DAW1: variants seen among roughly 807,000 people sequenced by gnomAD.
DAW1 encodes the protein dynein assembly factor with WD repeat domains 1.
DAW1 carries 47 observed loss-of-function variants against 56.5 expected under a neutral mutation model. The ratio of observed to expected loss-of-function variants is 0.83; its 90% CI spans 0.66 to 1.06. The LOEUF (loss-of-function observed/expected upper bound fraction) is 1.06, where lower values mean the gene tolerates loss of function less well. Among genes scored for constraint, DAW1 ranks in the 50% least tolerant of loss-of-function variants. The pLI is 0.00. For missense variants in DAW1, 505 were observed against 499.3 expected (o/e 1.01, Z -0.11); for synonymous variants, 190 against 179.0 (o/e 1.06, Z -0.49).
chr2:227,902,994 T>A lies in DAW1; in HGVS notation c.541-8T>A. 6.2e-7 allele frequency: 1 copy of A among 1,610,178 alleles called. No homozygotes were observed. The highest frequency in any genetic ancestry group is 8.5e-7 in the Non-Finnish European group (1 of 1,179,556). Reference sequence around the variant, plus strand: ...TTCCTAAAATTTCTCCCATTTTATGTAATTTAGGTGTGTTTATCATTTAAC... The same window carrying A: ...TTCCTAAAATTTCTCCCATTTTATGAAATTTAGGTGTGTTTATCATTTAAC... On this transcript the variant is annotated splice_region_variant and splice_polypyrimidine_tract_variant and intron_variant, in intron 6 of 12. Transcript: ENST00000309931.
intron 9 of DAW1, 97 bp downstream of exon 9, chr2:227,906,435 A>G: frequency 1.2e-6 from 1 of 846,716 alleles, no homozygotes; most frequent in Non-Finnish European, 1.7e-6. Context: ...CAAAGATGAT[A>G]TAAAATTAAG....
intron 11 of DAW1, among the ~76,000 whole-genome samples, chr2:227,920,180 G>A (rs1298112569): frequency 6.6e-6 from 1 of 152,166 alleles, no homozygotes; most frequent in Admixed American, 6.5e-5. Flanking sequence ...GAATTCTCTA[G>A]TGCTATTTTA....
At chr2:227,907,101 G>A (rs1182629168) in intron 9 of DAW1, 37 bp from the exon 10 acceptor site, 2 of 1,440,690 alleles carry the variant, frequency 1.4e-6, no homozygotes, top group Admixed American at 3.7e-5. Context: ...GAAAGTCATA[G>A]TCTTTTTTTT....
In DAW1 at chr2:227,893,818, G is replaced by T. The variant is rs759511456; in HGVS notation, c.341G>T (p.Arg114Leu). The T allele has an allele frequency of 2.5e-6, 4 of 1,612,990 alleles. No individual in the cohort carries two copies. Among genetic ancestry groups the T allele is most frequent in the Non-Finnish European group, 3.4e-6 (4 of 1,179,656 alleles). Reference sequence around the variant, plus strand: ...AGCTTTATCACAGGAAGCTATGATCGGACGTGCAAGCTCTGGGACACTGCG... The same window carrying T: ...AGCTTTATCACAGGAAGCTATGATCTGACGTGCAAGCTCTGGGACACTGCG... ...GSCFITGSYD[R>L]TCKLWDTASG... The change falls in exon 5 of 13, where the codon CGG (arginine) becomes CTG (leucine). Residue 114 changes from arginine to leucine, a missense_variant. Coordinates refer to ENST00000309931, the MANE Select transcript of DAW1 (RefSeq NM_178821.3).
intron 7 of DAW1, among the ~76,000 whole-genome samples, chr2:227,904,030 G>A (rs1435999110): frequency 2.0e-5 from 3 of 150,406 alleles, no homozygotes; most frequent in Admixed American, 1.3e-4. Flanking sequence ...TCAGGCAAAT[G>A]TGCAGGGAAA....
At chr2:227,881,743 CTTTTTTTTTTTTTT>C (rs541800966) in intron 1 of DAW1, among the ~76,000 whole-genome samples, 3 of 78,608 alleles carry the variant, frequency 3.8e-5, no homozygotes, top group African/African-American at 4.9e-5. Context: ...CTGCCACATT[CTTTTTTTTTTTTTT>C]TTTTTTTTTT....
chr2:227,906,999 CA>C (rs1441553913), intron 9 of DAW1, 138 bp from the exon 10 acceptor site: 2 of 575,152 alleles, frequency 3.5e-6, no homozygotes, highest in Non-Finnish European at 6.0e-6. Flanking sequence ...TCTAACTGAA[CA>C]TGCATGAATT....
In DAW1 at chr2:227,887,416, G is replaced by A. The variant is rs183700590; in HGVS notation, c.113+1993G>A. Among the ~76,000 whole-genome samples, 601 of 152,250 alleles carry A rather than the reference G, an allele frequency of 3.9e-3. 2 individuals carry two copies. The highest frequency in any genetic ancestry group is 6.8e-3 in the Non-Finnish European group (461 of 68,008). On this transcript the variant is annotated intron_variant, in intron 2 of 12. Transcript: ENST00000309931. ...ATGTATATGTACCTTCAACACATAT[G>A]TAAGAATCTAATCTGGGTTAGATTC...
Position 227,921,446 on chromosome 2 carries a change from C to T in DAW1, c.1098C>T (p.Asp366=), listed in dbSNP as rs368750345. Residue 366 remains aspartate (D), a synonymous_variant, in exon 12 of 13, where the codon GAC becomes GAT. Coordinates refer to ENST00000309931, the MANE Select transcript of DAW1 (RefSeq NM_178821.3). ...QGNHLLTGSS[D]KTARIWDAQT... is the part of the protein sequence containing the mutation. ...ACCATCTTCTAACTGGCAGCTCTGA[C>T]AAAACGGCTAGAATCTGGGATGCTC... is the stretch of plus-strand genomic sequence containing the variant. 3 of 1,604,536 alleles carry T rather than the reference C, an allele frequency of 1.9e-6. No individual in the cohort carries two copies. Among genetic ancestry groups the T allele is most frequent in the Non-Finnish European group, 1.7e-6 (2 of 1,174,606 alleles).
rs769946363 is a variant in DAW1 at position 227,907,162 on chromosome 2, T to C, written c.883T>C (p.Cys295Arg). The change falls in exon 10 of 13, where the codon TGT (cysteine) becomes CGT (arginine). Residue 295 changes from cysteine to arginine, a missense_variant. Physicochemically the swap from Cys to Arg is radical, Grantham distance 180. Transcript: ENST00000309931. ...CKLWDATNGK[C>R]VATLTGHDDE... ...GCTGTGGGATGCTACAAATGGAAAATGTGTGGCAACCTTAACAGGCCATGA... is the reference window on the plus strand; with the variant it reads ...GCTGTGGGATGCTACAAATGGAAAACGTGTGGCAACCTTAACAGGCCATGA... 2.4e-5 allele frequency: 38 copies of C among 1,612,444 alleles called. No individual in the cohort carries two copies. Among genetic ancestry groups the C allele is most frequent in the Non-Finnish European group, 2.5e-5 (29 of 1,179,554 alleles).
intron 1 of DAW1, among the ~76,000 whole-genome samples, chr2:227,872,705 C>CCCCCCCCA (rs1690786332): frequency 6.7e-6 from 1 of 149,830 alleles, no homozygotes; most frequent in Non-Finnish European, 1.5e-5. Context: ...CCCCAACCCC[C>CCCCCCCCA]GGCATTCCGT....
intron 1 of DAW1, among the ~76,000 whole-genome samples, chr2:227,875,239 A>G (rs1219490851): frequency 3.3e-5 from 5 of 152,026 alleles, no homozygotes; most frequent in African/African-American, 9.7e-5. Flanking sequence ...GAATCCAACA[A>G]TTTCTACTAC....
intron 1 of DAW1, among the ~76,000 whole-genome samples, chr2:227,882,141 A>G (rs1311393246): frequency 1.3e-5 from 2 of 152,238 alleles, no homozygotes; most frequent in Non-Finnish European, 2.9e-5. Context: ...GATCTGAAAT[A>G]CTGCTAGAAT....
chr2:227,912,079 G>A (rs984651119), intron 10 of DAW1, among the ~76,000 whole-genome samples: 4 of 152,058 alleles, frequency 2.6e-5, no homozygotes, highest in East Asian at 1.9e-4. Flanking sequence ...ACTGTGCTAC[G>A]CTATGCTCTA....
intron 1 of DAW1, among the ~76,000 whole-genome samples, chr2:227,875,025 G>C (rs954299269): frequency 2.0e-5 from 3 of 151,898 alleles, no homozygotes; most frequent in African/African-American, 7.2e-5. Flanking sequence ...ATAGTCCTGA[G>C]TACCTGAGTG....
At position 227,898,281 on chromosome 2, in the gene DAW1, A is replaced by C. The variant is rs1478256173; in HGVS notation, c.540A>C (p.Ile180=). 1 of 1,471,686 alleles carries C rather than the reference A, an allele frequency of 6.8e-7. No individual in the cohort carries two copies. The highest frequency in any genetic ancestry group is 1.4e-5 in the African/African-American group (1 of 71,596). 91.2% of individuals were successfully genotyped at this position (1,471,686 alleles called of 1,614,324 possible). ...CCTTCAGGGGTCATACAGCAGAAAT[A>C]GTGAGTATATTTAACAATTTATTAT... ...YHTFRGHTAE[I]VCLSFNPQST... The change falls in exon 6 of 13, where the codon ATA becomes ATC. Residue 180 remains isoleucine (I), a splice_region_variant and synonymous_variant. Transcript: ENST00000309931.
At chr2:227,871,758 C>T in intron 1 of DAW1, 29 bp downstream of exon 1, 1 of 1,613,284 alleles carries the variant, frequency 6.2e-7, no homozygotes, top group African/African-American at 1.3e-5. Context: ...CCGTCATCCC[C>T]ACGTGGGACC....
At position 227,883,637 on chromosome 2, in the gene DAW1, T is replaced by C. The variant is rs186091232; in HGVS notation, c.41-1714T>C. ...TACTCCTTCATTTTTCAACTATGTATCAGTGTCTGACTACATTCTTTTCTT... is the reference window on the plus strand; with the variant it reads ...TACTCCTTCATTTTTCAACTATGTACCAGTGTCTGACTACATTCTTTTCTT... On this transcript the variant is annotated intron_variant, in intron 1 of 12. Coordinates refer to ENST00000309931, the MANE Select transcript of DAW1 (RefSeq NM_178821.3). Among the ~76,000 whole-genome samples, 87 of 152,334 alleles carry C rather than the reference T, an allele frequency of 5.7e-4. No homozygotes were observed. In the East Asian group the frequency reaches 0.016, roughly 27 times the overall value.
At chr2:227,923,542 C>A (rs534681377) in intron 12 of DAW1, among the ~76,000 whole-genome samples, 4 of 152,230 alleles carry the variant, frequency 2.6e-5, no homozygotes, top group Admixed American at 6.5e-5. Context: ...GTATGTCCTG[C>A]CTCTTCCTAA....
Sources: gnomAD v4.1 joint callset for allele counts (sites outside exome capture counted in the v4.1 genomes callset) on GRCh38, gnomAD v4.1.1 for gene constraint, MANE v1.5 for transcripts, NCBI Gene and HGNC (gene_info 2026-07-23, HGNC 2026-07-21) for gene names.